BICRA: variants seen among roughly 807,000 people sequenced by gnomAD.
BICRA encodes the protein BRD4 interacting chromatin remodeling complex associated protein.
A neutral mutation model predicts 96.9 loss-of-function variants in BICRA; 31 were observed. That is an observed-to-expected ratio of 0.32 (90% CI 0.24 to 0.43). The LOEUF is 0.43. Ranked by LOEUF, BICRA falls within the 20% of genes least tolerant of loss-of-function variation. BICRA has a pLI of 1.00. For missense variants in BICRA, 2,283 were observed against 2,190.3 expected (o/e 1.04, Z -0.84); for synonymous variants, 1,350 against 1,071.8 (o/e 1.26, Z -5.07).
chr19:47,609,590 C>T (rs1406685331), intron 1 of BICRA, among the ~76,000 whole-genome samples: 7 of 151,498 alleles, frequency 4.6e-5, no homozygotes, highest in Admixed American at 6.6e-5. Flanking sequence ...TAACGTTCCA[C>T]GGGGGGAGGG....
At position 47,681,115 on chromosome 19, in the gene BICRA, C is replaced by A. The variant is rs1298679259; in HGVS notation, c.1945C>A (p.Gln649Lys). 3 of 1,477,870 alleles carry A rather than the reference C, an allele frequency of 2.0e-6. No homozygotes were observed. Among genetic ancestry groups the A allele is most frequent in the Non-Finnish European group, 2.7e-6 (3 of 1,106,778 alleles). 91.5% of individuals were successfully genotyped at this position (1,477,870 alleles called of 1,614,324 possible). ...GCAGCCGCAGGCGCAGCAGCCCCCG[C>A]AGGCCCCCACCCCACAGGCCGCCGC... The part of the protein sequence containing the change: ...LQQPQAQQPP[Q>K]APTPQAAAPP... The change falls in exon 6 of 15, where the codon CAG becomes AAG. Residue 649 changes from glutamine to lysine, a missense_variant. Physicochemically the swap from Gln to Lys is moderately conservative, Grantham distance 53 (BLOSUM62 1). Coordinates refer to ENST00000594866, the MANE Select transcript of BICRA (RefSeq NM_001394372.1).
intron 1 of BICRA, among the ~76,000 whole-genome samples, chr19:47,621,560 G>T (rs563665623): frequency 7.6e-6 from 1 of 132,308 alleles, no homozygotes; most frequent in Non-Finnish European, 1.6e-5. Flanking sequence ...TGCAACCTCC[G>T]CCTCCCAGGT....
At chr19:47,608,691 G>A (rs2040482980), upstream of BICRA, among the ~76,000 whole-genome samples, 1 of 151,476 alleles carries the variant, frequency 6.6e-6, no homozygotes, top group Middle Eastern at 3.5e-3. Context: ...CGGGGGCGGC[G>A]CCGGCGCGGA....
At chr19:47,684,383 T>C (rs922380483) in intron 7 of BICRA, among the ~76,000 whole-genome samples, 2 of 152,150 alleles carry the variant, frequency 1.3e-5, no homozygotes, top group African/African-American at 4.8e-5. Context: ...TGTATCACCA[T>C]GTTGGCCAAG....
intron 1 of BICRA, among the ~76,000 whole-genome samples, chr19:47,648,497 G>A (rs1036535703): frequency 1.3e-5 from 2 of 151,630 alleles, no homozygotes; most frequent in Non-Finnish European, 2.9e-5. Flanking sequence ...GTCAGATAGC[G>A]ATCGGCACCT....
At chr19:47,639,254 C>A (rs1339889213) in intron 1 of BICRA, among the ~76,000 whole-genome samples, 1 of 151,198 alleles carries the variant, frequency 6.6e-6, no homozygotes, top group Non-Finnish European at 1.5e-5. Context: ...GCAGTCCACC[C>A]CTCTCTGCCT....
intron 1 of BICRA, among the ~76,000 whole-genome samples, chr19:47,614,616 C>T (rs915768510): frequency 6.6e-5 from 10 of 152,228 alleles, no homozygotes; most frequent in African/African-American, 2.4e-4. Flanking sequence ...CACAGCGAGA[C>T]TCTGTCTAAA....
Position 47,702,301 on chromosome 19 carries a change from C to T in BICRA, c.4569C>T (p.Tyr1523=), listed in dbSNP as rs768405365. The change falls in exon 15 of 15, where the codon TAC becomes TAT. Residue 1523 remains tyrosine (Y), a synonymous_variant. Coordinates refer to ENST00000594866, the MANE Select transcript of BICRA (RefSeq NM_001394372.1). The part of the protein sequence containing the change: ...QAPGRTPAPS[Y]PHAASAGTPA... ...CCGGCCGGACGCCCGCGCCCTCGTA[C>T]CCCCACGCTGCCTCGGCCGGCACCC... is the stretch of plus-strand genomic sequence containing the variant. The T allele has an allele frequency of 1.9e-6, 3 of 1,584,366 alleles. No individual in the cohort carries two copies. Among genetic ancestry groups the T allele is most frequent in the African/African-American group, 1.4e-5 (1 of 73,450 alleles).
chr19:47,628,003 C>T (rs1228532505), intron 1 of BICRA, among the ~76,000 whole-genome samples: 4 of 152,104 alleles, frequency 2.6e-5, no homozygotes, highest in South Asian at 4.1e-4. Context: ...CCCCTGACCT[C>T]GTGATCCACT....
chr19:47,681,096 G>T lies in BICRA; in HGVS notation c.1926G>T (p.Pro642=), dbSNP rs1183793553. The T allele has an allele frequency of 6.3e-6, 9 of 1,437,618 alleles. No individual in the cohort carries two copies. The highest frequency in any genetic ancestry group is 7.3e-6 in the Non-Finnish European group (8 of 1,089,326). The allele number at this position is 1,437,618 out of a possible 1,614,324, so 89.1% of individuals were successfully genotyped here. A position where few individuals can be genotyped will look rare whatever the true frequency, so the allele number is the denominator to read the frequency against. ...CCCTGCCCCTGGGCCTCCAGCAGCC[G>T]CAGGCGCAGCAGCCCCCGCAGGCCC... The part of the protein sequence containing the change: ...STPLPLGLQQ[P]QAQQPPQAPT... Residue 642 remains proline, a synonymous_variant, in exon 6 of 15, where the codon CCG becomes CCT. Transcript: ENST00000594866.
At chr19:47,624,584 A>G (rs548717062) in intron 1 of BICRA, among the ~76,000 whole-genome samples, 7 of 152,328 alleles carry the variant, frequency 4.6e-5, no homozygotes, top group African/African-American at 1.7e-4. Context: ...AATGATGCAG[A>G]TAGACTCACT....
rs1319706541 is a variant in BICRA at position 47,701,800 on chromosome 19, G to A, written c.4068G>A (p.Thr1356=). 3.3e-6 allele frequency: 5 copies of A among 1,537,768 alleles called. No homozygotes were observed. In the African/African-American group the frequency reaches 4.1e-5, roughly 13 times the overall value. Residue 1356 remains threonine, a synonymous_variant, in exon 15 of 15, where the codon ACG becomes ACA. Transcript: ENST00000594866. This position sits in a 1 kb window ranked among gnomAD's most constrained non-coding sequence, Gnocchi z 5.4. ...GGCCGCCACCACCACCGCCGCCCAC[G>A]GGCCAGATGAACGGCACGGTGGACC... The part of the protein sequence containing the change: ...PPRPPPPPPP[T]GQMNGTVDHP...
chr19:47,694,099 T>TC lies in BICRA; in HGVS notation c.2284-13dup. 1.3e-5 allele frequency: 5 copies of TC among 396,450 alleles called. No individual in the cohort carries two copies. Among genetic ancestry groups the TC allele is most frequent in the South Asian group, 9.4e-5 (2 of 21,302 alleles). 24.6% of individuals were successfully genotyped at this position (396,450 alleles called of 1,614,324 possible). On this transcript the variant is annotated splice_polypyrimidine_tract_variant and intron_variant, in intron 7 of 14. Transcript: ENST00000594866. ...CTGACCCCCGCCCCTCCCCTCTCCCTCCCTCCCCTGCCCAGATCCCGGCAG... is the reference window on the plus strand; with the variant it reads ...CTGACCCCCGCCCCTCCCCTCTCCCTCCCCTCCCCTGCCCAGATCCCGGCAG...
intron 7 of BICRA, among the ~76,000 whole-genome samples, chr19:47,685,787 G>GTGCA (rs1491573025): frequency 2.0e-5 from 1 of 51,266 alleles, no homozygotes; most frequent in Non-Finnish European, 3.8e-5. Context: ...GTGTGTGTGT[G>GTGCA]CGCGCGCGCG....
At chr19:47,641,564 C>T (rs559716526) in intron 1 of BICRA, among the ~76,000 whole-genome samples, 33 of 152,228 alleles carry the variant, frequency 2.2e-4, no homozygotes, top group African/African-American at 7.0e-4. Flanking sequence ...ACGGGACAGT[C>T]GCTTGAGCCC....
At chr19:47,638,211 G>C (rs886260358) in intron 1 of BICRA, among the ~76,000 whole-genome samples, 7 of 152,074 alleles carry the variant, frequency 4.6e-5, no homozygotes, top group Non-Finnish European at 1.0e-4. Flanking sequence ...CCCGGGGTAG[G>C]CCCTGAGGCA....
At chr19:47,626,482 G>C (rs1411563969) in intron 1 of BICRA, 1 of 151,736 alleles carries the variant, frequency 6.6e-6, no homozygotes, top group East Asian at 1.9e-4. Context: ...CCGACCTCTC[G>C]ATCTCCCAGG....
At chr19:47,685,786 T>TGTGTGCGTGC in intron 7 of BICRA, among the ~76,000 whole-genome samples, 21 of 117,968 alleles carry the variant, frequency 1.8e-4, no homozygotes, top group Non-Finnish European at 3.3e-4. Flanking sequence ...TGTGTGTGTG[T>TGTGTGCGTGC]GCGCGCGCGC....
chr19:47,694,050 G>T, intron 7 of BICRA, 65 bp from the exon 8 acceptor site: 1 of 1,446,264 alleles, frequency 6.9e-7, no homozygotes, highest in Non-Finnish European at 9.1e-7. Flanking sequence ...CAGTGTCTTG[G>T]GGCAACAGGA....
Sources: gnomAD v4.1 joint callset for allele counts (sites outside exome capture counted in the v4.1 genomes callset) on GRCh38, gnomAD v4.1.1 for gene constraint, Gnocchi (gnomAD v3.1) non-coding constraint, MANE v1.5 for transcripts, NCBI Gene and HGNC (gene_info 2026-07-23, HGNC 2026-07-21) for gene names.